Variants in ABHD2 observed in about 807,000 individuals in gnomAD.
ABHD2 encodes the protein abhydrolase domain containing 2, acylglycerol lipase, also known as monoacylglycerol lipase ABHD2.
A neutral mutation model predicts 48.1 loss-of-function variants in ABHD2; 20 were observed. The ratio of observed to expected loss-of-function variants is 0.42; its 90% CI spans 0.29 to 0.60. The LOEUF is 0.60. Among genes scored for constraint, ABHD2 ranks in the 20% least tolerant of loss-of-function variants. ABHD2 has a pLI of 0.24. For synonymous variants in ABHD2, 209 were observed against 214.2 expected (o/e 0.98, Z 0.21); for missense variants, 405 against 550.9 (o/e 0.74, Z 2.65).
chr15:89,076,309 C>T, the ABHD2 span, among the ~76,000 whole-genome samples: 1 of 152,216 alleles, frequency 6.6e-6, no homozygotes. Flanking sequence ...TCTTTCATCT[C>T]AACACTCGTA....
At chr15:89,125,470 A>G (rs2050117283) in intron 3 of ABHD2, among the ~76,000 whole-genome samples, 1 of 152,212 alleles carries the variant, frequency 6.6e-6, no homozygotes, top group Admixed American at 6.5e-5. Context: ...GGCTAGCCTC[A>G]ATAAGTCAAA....
rs1011018866 is a variant in ABHD2, at chr15:89,147,022, C to T, written c.195-4655C>T. ...TGCGCTATCAACTATCAAAGTATCTCATAAAGCTATATTAATTAAAGCAGT... is the reference window on the plus strand; with the variant it reads ...TGCGCTATCAACTATCAAAGTATCTTATAAAGCTATATTAATTAAAGCAGT... On this transcript the variant is annotated intron_variant, in intron 3 of 10. Transcript: ENST00000352732. Among the ~76,000 whole-genome samples, 3 of 152,126 alleles carry T rather than the reference C, an allele frequency of 2.0e-5. No homozygotes were observed. The East Asian group carries it at 5.8e-4, about 29-fold the overall frequency.
intron 3 of ABHD2, chr15:89,135,873 C>A: frequency 1.5e-6 from 1 of 684,672 alleles, no homozygotes; most frequent in Non-Finnish European, 2.7e-6. Flanking sequence ...CAGGACAGAA[C>A]AGAACAGGAA....
rs1362424900 is a variant in ABHD2 at position 89,155,338 on chromosome 15, A to G, written c.371-29A>G. 6.3e-7 allele frequency: 1 copy of G among 1,595,760 alleles called. No individual in the cohort carries two copies. The highest frequency in any genetic ancestry group is 8.6e-7 in the Non-Finnish European group (1 of 1,165,880). On this transcript the variant is annotated intron_variant, in intron 4 of 10. Coordinates refer to ENST00000352732, the MANE Select transcript of ABHD2 (RefSeq NM_152924.5). This position sits in a 1 kb window ranked among gnomAD's most constrained non-coding sequence, Gnocchi z 4.9. ...ATTTATCATGTCACATTTCTTGGAT[A>G]CATCAGGATCTCTTTCTCTACGCTA...
Position 89,156,487 on chromosome 15 carries a change from C to A in ABHD2, c.538+953C>A, listed in dbSNP as rs8037992. 5.1e-4 allele frequency among the ~76,000 whole-genome samples: 77 copies of A among 152,242 alleles called. 1 individual carries two copies. Among genetic ancestry groups the A allele is most frequent in the African/African-American group, 1.7e-3 (71 of 41,550 alleles). On this transcript the variant is annotated intron_variant, in intron 5 of 10. Coordinates refer to ENST00000352732, the MANE Select transcript of ABHD2 (RefSeq NM_152924.5). The stretch of plus-strand genomic sequence containing the variant: ...GGACATTTTCAAAACCAACCCCTCA[C>A]CATAAATAGTGCACTTTAGGAGGCT...
At position 89,106,541 on chromosome 15, in the gene ABHD2, A is replaced by G. The variant is rs1464963013; in HGVS notation, c.-106-7184A>G. ...TTCTGAGGCTCTCCCATCCCATGGCAGTGAAAGACTCAGAGGACACAAAGG... is the reference window on the plus strand; with the variant it reads ...TTCTGAGGCTCTCCCATCCCATGGCGGTGAAAGACTCAGAGGACACAAAGG... On this transcript the variant is annotated intron_variant, in intron 1 of 10. Transcript: ENST00000352732. The surrounding 1 kb of genome is among the most constrained non-coding windows in gnomAD (Gnocchi z 4.2). 6.6e-6 allele frequency: 1 copy of G among 152,194 alleles called. No homozygotes were observed. Among genetic ancestry groups the G allele is most frequent in the Non-Finnish European group, 1.5e-5 (1 of 68,078 alleles). The allele number at this position is 152,194 out of a possible 1,614,324, so 9.4% of individuals were successfully genotyped here.
intron 3 of ABHD2, chr15:89,135,682 C>G: frequency 6.6e-7 from 1 of 1,511,560 alleles, no homozygotes; most frequent in Admixed American, 1.7e-5. Flanking sequence ...TTCCTTTAGC[C>G]CGATATGCAG....
chr15:89,158,818 G>C (rs551888012), intron 5 of ABHD2, among the ~76,000 whole-genome samples: 1 of 151,846 alleles, frequency 6.6e-6, no homozygotes, highest in Admixed American at 6.6e-5. Context: ...ACTCAAGCCA[G>C]CTTCCCACCT....
chr15:89,090,527 T>A (rs1901554625), intron 1 of ABHD2, among the ~76,000 whole-genome samples: 2 of 151,600 alleles, frequency 1.3e-5, no homozygotes, highest in East Asian at 3.9e-4. Context: ...GATTTCATTT[T>A]AACACAGACA....
intron 4 of ABHD2, among the ~76,000 whole-genome samples, chr15:89,153,471 C>T (rs189528780): frequency 3.1e-4 from 47 of 152,236 alleles, no homozygotes; most frequent in African/African-American, 1.1e-3. Flanking sequence ...CTTCTTCTAC[C>T]ACTAAAGCAC....
At chr15:89,191,272 T>C in intron 9 of ABHD2, 123 bp downstream of exon 9, 2 of 911,274 alleles carry the variant, frequency 2.2e-6, no homozygotes, top group Non-Finnish European at 3.4e-6. Flanking sequence ...CAACCGCTCT[T>C]TTAGCTTGGA....
At chr15:89,150,244 A>G (rs75540764) in intron 3 of ABHD2, among the ~76,000 whole-genome samples, 2,744 of 152,310 alleles carry the variant, frequency 0.018, 65 homozygotes, top group African/African-American at 0.061. Context: ...GGAGTGATCA[A>G]AAGCTTAATT....
chr15:89,201,298 T>A lies in ABHD2; in HGVS notation c.*5875T>A, dbSNP rs886305431. The A allele has an allele frequency of 4.4e-6, 5 of 1,138,674 alleles. No individual in the cohort carries two copies. In the African/African-American group the frequency reaches 4.7e-5, roughly 11 times the overall value. The allele number at this position is 1,138,674 out of a possible 1,614,324, so 70.5% of individuals were successfully genotyped here. ...GAAGTCTTTTACACTCTTCTGTTAG[T>A]TTCCTTGTTTCAGTATCATGAAGTG... On this transcript the variant is annotated 3_prime_UTR_variant, in exon 11 of 11. Coordinates refer to ENST00000352732, the MANE Select transcript of ABHD2 (RefSeq NM_152924.5).
chr15:89,196,320 A>G lies in ABHD2; in HGVS notation c.*897A>G, dbSNP rs1346762560. The G allele has an allele frequency of 1.3e-5, 2 of 152,204 alleles. No homozygotes were observed. The highest frequency in any genetic ancestry group is 4.8e-5 in the African/African-American group (2 of 41,442). 9.4% of individuals were successfully genotyped at this position (152,204 alleles called of 1,614,324 possible). On this transcript the variant is annotated 3_prime_UTR_variant, in exon 11 of 11. Coordinates refer to ENST00000352732, the MANE Select transcript of ABHD2 (RefSeq NM_152924.5). ...TGTGACCACAGTGTGATGTCTCAGA[A>G]GGGCTCTGGGTGGGCTGAGCATCTG...
chr15:89,121,628 G>A (rs2050052983), intron 3 of ABHD2, among the ~76,000 whole-genome samples: 1 of 152,022 alleles, frequency 6.6e-6, no homozygotes, highest in Non-Finnish European at 1.5e-5. Flanking sequence ...CTACCCATCT[G>A]TCATAATACT....
intron 3 of ABHD2, among the ~76,000 whole-genome samples, chr15:89,124,960 G>T (rs1241986056): frequency 6.6e-6 from 1 of 152,152 alleles, no homozygotes; most frequent in Non-Finnish European, 1.5e-5. Flanking sequence ...ATGGTGGCAG[G>T]TGCCTGTAAT....
At chr15:89,134,137 C>T (rs1177779953) in intron 3 of ABHD2, among the ~76,000 whole-genome samples, 3 of 152,120 alleles carry the variant, frequency 2.0e-5, no homozygotes, top group East Asian at 3.8e-4. Context: ...GGCGCCCGGC[C>T]GCATAATTTT....
At chr15:89,066,581 A>G in the ABHD2 span, among the ~76,000 whole-genome samples, 16 of 152,242 alleles carry the variant, frequency 1.1e-4, no homozygotes, top group African/African-American at 3.4e-4. Flanking sequence ...TCAACCCAAT[A>G]CCTTGGGCAT....
chr15:89,183,679 A>AC (rs972882403), intron 6 of ABHD2, among the ~76,000 whole-genome samples: 1 of 151,046 alleles, frequency 6.6e-6, no homozygotes, highest in Non-Finnish European at 1.5e-5. Context: ...GTTTTCAATA[A>AC]AAAAAAATCA....
Sources: allele counts gnomAD v4.1 joint callset (sites outside exome capture counted in the v4.1 genomes callset), GRCh38; gene constraint gnomAD v4.1.1; non-coding constraint Gnocchi (gnomAD v3.1); transcripts MANE v1.5; gene names NCBI Gene and HGNC (gene_info 2026-07-23, HGNC 2026-07-21).